RALGAPA2: variants seen among roughly 807,000 people sequenced by gnomAD.
RALGAPA2 encodes the protein ral GTPase-activating protein subunit alpha-2.
A neutral mutation model predicts 230.4 loss-of-function variants in RALGAPA2; 139 were observed. The observed-to-expected ratio is 0.60, with a 90% CI of 0.53 to 0.69. RALGAPA2 has a LOEUF of 0.69. Among genes scored for constraint, RALGAPA2 ranks in the 30% least tolerant of loss-of-function variants. The pLI is 0.00. For synonymous variants in RALGAPA2, 847 were observed against 837.8 expected (o/e 1.01, Z -0.19); for missense variants, 2,163 against 2,276.0 (o/e 0.95, Z 1.01).
chr20:20,432,665 A>G (rs2060525112), intron 37 of RALGAPA2, among the ~76,000 whole-genome samples: 1 of 152,234 alleles, frequency 6.6e-6, no homozygotes, highest in African/African-American at 2.4e-5. Flanking sequence ...AACACTGGAA[A>G]ATACATTCCA....
intron 20 of RALGAPA2, among the ~76,000 whole-genome samples, chr20:20,579,491 A>T (rs2064919733): frequency 6.6e-6 from 1 of 152,192 alleles, no homozygotes; most frequent in South Asian, 2.1e-4. Context: ...AGCTAACAAG[A>T]ACATGGAAAG....
At chr20:20,475,316 AT>A (rs2061626636) in intron 36 of RALGAPA2, among the ~76,000 whole-genome samples, 1 of 152,022 alleles carries the variant, frequency 6.6e-6, no homozygotes, top group South Asian at 2.1e-4. Context: ...ATCCTTTATA[AT>A]TTTTTTGTAA....
intron 1 of RALGAPA2, among the ~76,000 whole-genome samples, chr20:20,704,677 T>G (rs2069525342): frequency 6.6e-6 from 1 of 152,246 alleles, no homozygotes; most frequent in African/African-American, 2.4e-5. Flanking sequence ...AAGGGAGCTC[T>G]CTCTCTCCCA....
intron 23 of RALGAPA2, among the ~76,000 whole-genome samples, chr20:20,549,775 C>T (rs950757462): frequency 2.0e-5 from 3 of 152,164 alleles, no homozygotes; most frequent in Non-Finnish European, 2.9e-5. Context: ...TCACCATCCC[C>T]ACCATACATT....
chr20:20,605,393 A>C lies in RALGAPA2; in HGVS notation c.1820T>G (p.Ile607Ser). The part of the protein sequence containing the change: ...LLFRTLMVAW[I>S]RANLCVYISR... ...AATGTACACACAGAGGTTTGCTCGG[A>C]TCCAAGCTACCATGAGCGTCTAAAA... The change falls in exon 15 of 40, where the codon ATC (isoleucine) becomes AGC (serine). Residue 607 changes from isoleucine (I) to serine (S), a missense_variant. Transcript: ENST00000202677. The C allele has an allele frequency of 6.2e-7, 1 of 1,613,738 alleles. No homozygotes were observed. Among genetic ancestry groups the C allele is most frequent in the Non-Finnish European group, 8.5e-7 (1 of 1,179,720 alleles).
In RALGAPA2 at chr20:20,511,232, G is replaced by A. The variant is rs573744384; in HGVS notation, c.4928+22C>T. 5 of 1,562,384 alleles carry A rather than the reference G, an allele frequency of 3.2e-6. No individual in the cohort carries two copies. The Admixed American group carries it at 5.8e-5, about 18-fold the overall frequency. ...ACCCAAAGACAAACAGGAAAAAAGT[G>A]GTTTGATATACTTTCACATACCACT... On this transcript the variant is annotated intron_variant, in intron 33 of 39. Transcript: ENST00000202677.
chr20:20,700,827 T>A lies in RALGAPA2; in HGVS notation c.106+11548A>T, dbSNP rs12625510. Reference sequence around the variant, plus strand: ...GAATTCATTTGGGAGAAACCACCACTCTTAATTCATGATCTTGAATCATTA... The same window carrying A: ...GAATTCATTTGGGAGAAACCACCACACTTAATTCATGATCTTGAATCATTA... On this transcript the variant is annotated intron_variant, in intron 1 of 39. Transcript: ENST00000202677. Among the ~76,000 whole-genome samples, 47 of 152,338 alleles carry A rather than the reference T, an allele frequency of 3.1e-4. No homozygotes were observed. In the East Asian group the frequency reaches 7.9e-3, roughly 26 times the overall value.
intron 1 of RALGAPA2, among the ~76,000 whole-genome samples, chr20:20,689,699 A>G (rs1297716662): frequency 6.6e-6 from 1 of 152,240 alleles, no homozygotes; most frequent in Non-Finnish European, 1.5e-5. Context: ...CCTCCTCTCA[A>G]TTAAAGTGAG....
intron 16 of RALGAPA2, among the ~76,000 whole-genome samples, chr20:20,597,403 T>A (rs1174191873): frequency 6.6e-6 from 1 of 151,942 alleles, no homozygotes; most frequent in Non-Finnish European, 1.5e-5. Flanking sequence ...AGAAAAAGAG[T>A]TTTCTAAGAA....
chr20:20,583,516 A>G (rs1316345311), intron 19 of RALGAPA2, among the ~76,000 whole-genome samples: 2 of 152,106 alleles, frequency 1.3e-5, no homozygotes, highest in Admixed American at 6.5e-5. Context: ...CCTACACCCA[A>G]ACTACACCAA....
chr20:20,513,839 G>A (rs2062791907), intron 31 of RALGAPA2, among the ~76,000 whole-genome samples: 1 of 152,218 alleles, frequency 6.6e-6, no homozygotes, highest in African/African-American at 2.4e-5. Context: ...CGCACCAGCA[G>A]GAGGCACTGG....
intron 36 of RALGAPA2, among the ~76,000 whole-genome samples, chr20:20,477,531 C>A (rs766638740): frequency 1.3e-4 from 20 of 152,106 alleles, no homozygotes; most frequent in Non-Finnish European, 2.9e-4. Context: ...ATTATGAGAT[C>A]TAAATTTCAG....
intron 23 of RALGAPA2, among the ~76,000 whole-genome samples, chr20:20,550,030 A>G (rs2063879714): frequency 6.6e-6 from 1 of 151,972 alleles, no homozygotes; most frequent in African/African-American, 2.4e-5. Flanking sequence ...AACAGGCGCT[A>G]TTTGGTCAGA....
chr20:20,647,405 T>G (rs1442256135), intron 4 of RALGAPA2, among the ~76,000 whole-genome samples: 2 of 151,182 alleles, frequency 1.3e-5, no homozygotes, highest in African/African-American at 2.4e-5. Context: ...GAGAACTTCC[T>G]GGCACTACAA....
At position 20,640,869 on chromosome 20, in the gene RALGAPA2, C is replaced by T; in HGVS notation, c.382G>A (p.Glu128Lys). The T allele has an allele frequency of 6.2e-7, 1 of 1,608,262 alleles. No individual in the cohort carries two copies. ...CACAGAAGAAACAGCCTGATTCCTT[C>T]ACATCTTATCTAAAACAAAATTAAA... ...HTGNSIKIRCEGIRLFLLWLQ... is the reference protein window; with the variant it reads ...HTGNSIKIRCKGIRLFLLWLQ... Residue 128 changes from glutamate to lysine, a missense_variant, in exon 6 of 40, where the codon GAA becomes AAA. By Grantham distance (56) the Glu-to-Lys change is moderately conservative. Coordinates refer to ENST00000202677, the MANE Select transcript of RALGAPA2 (RefSeq NM_020343.4).
intron 2 of RALGAPA2, among the ~76,000 whole-genome samples, chr20:20,678,503 A>AT (rs1414058946): frequency 6.6e-6 from 1 of 152,020 alleles, no homozygotes; most frequent in African/African-American, 2.4e-5. Context: ...AAATGTCTCC[A>AT]TATCTACACT....
intron 36 of RALGAPA2, among the ~76,000 whole-genome samples, chr20:20,476,457 GA>G (rs1157331673): frequency 2.6e-5 from 4 of 151,820 alleles, no homozygotes; most frequent in African/African-American, 2.4e-5. Flanking sequence ...TTTGGTGGAA[GA>G]AAAAAGCCTG....
rs190183573 is a variant in RALGAPA2 at position 20,709,073 on chromosome 20, C to G, written c.106+3302G>C. 3.9e-5 allele frequency among the ~76,000 whole-genome samples: 6 copies of G among 152,162 alleles called. No individual in the cohort carries two copies. In the East Asian group the frequency reaches 1.2e-3, roughly 29 times the overall value. ...GTGGCTCACACCTGTAATCCCAGCT[C>G]TTTGGGAGGCCGAGTCGGGCAGATC... On this transcript the variant is annotated intron_variant, in intron 1 of 39. Coordinates refer to ENST00000202677, the MANE Select transcript of RALGAPA2 (RefSeq NM_020343.4).
At chr20:20,684,861 C>T (rs1425004819) in intron 1 of RALGAPA2, among the ~76,000 whole-genome samples, 1 of 152,202 alleles carries the variant, frequency 6.6e-6, no homozygotes, top group Non-Finnish European at 1.5e-5. Context: ...AGGTACTTAA[C>T]ACATTTGTTA....
Sources: gnomAD v4.1 joint callset for allele counts (sites outside exome capture counted in the v4.1 genomes callset) on GRCh38, gnomAD v4.1.1 for gene constraint, MANE v1.5 for transcripts, NCBI Gene and HGNC (gene_info 2026-07-23, HGNC 2026-07-21) for gene names.